The following CATSPERE variants were observed in gnomAD, a reference collection of about 807,000 sequenced individuals.
CATSPERE encodes catsper channel auxiliary subunit epsilon, also known as cation channel sperm-associated auxiliary subunit epsilon.
A neutral mutation model predicts 114.1 loss-of-function variants in CATSPERE; 93 were observed. The ratio of observed to expected loss-of-function variants is 0.81; its 90% CI spans 0.69 to 0.97. The LOEUF (loss-of-function observed/expected upper bound fraction) is 0.97. CATSPERE is among the 50% of genes least tolerant of loss of function. The pLI is 0.00. For synonymous variants in CATSPERE, 341 were observed against 384.1 expected (o/e 0.89, Z 1.31); for missense variants, 1,058 against 1,131.6 (o/e 0.93, Z 0.93).
rs1002478794 is a variant in CATSPERE, at chr1:244,535,338, T to G, written c.536+16640T>G. On this transcript the variant is annotated intron_variant, in intron 8 of 21. Coordinates refer to ENST00000366534, the MANE Select transcript of CATSPERE (RefSeq NM_001130957.2). The stretch of plus-strand genomic sequence containing the variant: ...AGCCAGCCAGTCTTGTGTCTTTCCC[T>G]TAAGGGCTGCAAGTTCCCCCAGGCC... Among the ~76,000 whole-genome samples, 3 of 152,186 alleles carry G rather than the reference T, an allele frequency of 2.0e-5. No individual in the cohort carries two copies. The East Asian group carries it at 5.8e-4, about 29-fold the overall frequency.
At chr1:244,582,407 C>CTTTT (rs67153115) in intron 12 of CATSPERE, among the ~76,000 whole-genome samples, 1 of 143,190 alleles carries the variant, frequency 7.0e-6, no homozygotes. Flanking sequence ...TTTTCTTTTT[C>CTTTT]TTTTTTTTTT....
At chr1:244,545,294 C>T (rs3000697) in intron 8 of CATSPERE, among the ~76,000 whole-genome samples, 151,215 of 152,320 alleles carry the variant, frequency 0.99, 75,069 homozygotes, top group Middle Eastern at 1. Context: ...AAGAAAGAGG[C>T]ACAATGCCTA....
chr1:244,492,319 T>C (rs1290744955), intron 6 of CATSPERE, among the ~76,000 whole-genome samples: 5 of 152,056 alleles, frequency 3.3e-5, no homozygotes, highest in African/African-American at 7.2e-5. Flanking sequence ...TAATCCAGCA[T>C]ATAAACAGAA....
chr1:244,539,883 G>C (rs1558458396), intron 8 of CATSPERE, among the ~76,000 whole-genome samples: 5 of 148,864 alleles, frequency 3.4e-5, no homozygotes, highest in Non-Finnish European at 7.4e-5. Context: ...TGTTAGTCTT[G>C]CTAGTGGTCT....
chr1:244,638,883 C>T (rs1352064058), intron 21 of CATSPERE, among the ~76,000 whole-genome samples: 1 of 152,232 alleles, frequency 6.6e-6, no homozygotes, highest in African/African-American at 2.4e-5. Flanking sequence ...TGAAGACTCT[C>T]ATCGTAGCTT....
At chr1:244,574,138 T>C (rs1210682835) in intron 11 of CATSPERE, among the ~76,000 whole-genome samples, 2 of 152,142 alleles carry the variant, frequency 1.3e-5, no homozygotes, top group African/African-American at 4.8e-5. Flanking sequence ...AATTTAAAAC[T>C]TTCCTAAATA....
intron 20 of CATSPERE, among the ~76,000 whole-genome samples, chr1:244,630,056 ACT>A (rs1673730157): frequency 6.6e-6 from 1 of 152,142 alleles, no homozygotes; most frequent in Non-Finnish European, 1.5e-5. Flanking sequence ...ATGAAAACAA[ACT>A]CCATGACAGC....
intron 20 of CATSPERE, among the ~76,000 whole-genome samples, chr1:244,621,337 T>A (rs1672368660): frequency 1.2e-5 from 1 of 86,866 alleles, no homozygotes; most frequent in African/African-American, 4.1e-5. Context: ...TATATATATA[T>A]ATATATATTC....
rs149786779 is a variant in CATSPERE at position 244,564,594 on chromosome 1, T to C, written c.1507+3449T>C. 1.9e-3 allele frequency among the ~76,000 whole-genome samples: 282 copies of C among 152,330 alleles called. 7 individuals are homozygous for C. The East Asian group carries it at 0.051, about 28-fold the overall frequency. ...AATGCTTGTGATTTTTGCACATTGA[T>C]TTTGTATCTTGAGACGTTGCTGAAG... is the stretch of plus-strand genomic sequence containing the variant. On this transcript the variant is annotated intron_variant, in intron 10 of 21. Transcript: ENST00000366534.
At chr1:244,621,313 A>ATCTATAT (rs1329667347) in intron 20 of CATSPERE, among the ~76,000 whole-genome samples, 2 of 78,944 alleles carry the variant, frequency 2.5e-5, no homozygotes, top group African/African-American at 1.1e-4. Context: ...ATAAATATAT[A>ATCTATAT]AAATATATAT....
intron 2 of CATSPERE, among the ~76,000 whole-genome samples, chr1:244,471,786 G>A (rs1668511366): frequency 6.6e-6 from 1 of 152,096 alleles, no homozygotes; most frequent in South Asian, 2.1e-4. Flanking sequence ...CTTGTTGATG[G>A]CCATTTGGGT....
chr1:244,493,544 G>GTTTA (rs1672596241), intron 6 of CATSPERE, among the ~76,000 whole-genome samples: 1 of 152,102 alleles, frequency 6.6e-6, no homozygotes, highest in Non-Finnish European at 1.5e-5. Flanking sequence ...GCATGGGCAA[G>GTTTA]GACTTCATGT....
At chr1:244,465,286 G>A (rs1296726382) in intron 2 of CATSPERE, among the ~76,000 whole-genome samples, 6 of 151,992 alleles carry the variant, frequency 3.9e-5, no homozygotes, top group African/African-American at 7.2e-5. Flanking sequence ...CACCAGCCTC[G>A]GCCTCCCAAA....
chr1:244,451,612 C>A, upstream of CATSPERE: 2 of 1,594,592 alleles, frequency 1.3e-6, no homozygotes, highest in Non-Finnish European at 8.5e-7. This position sits in a 1 kb window ranked among gnomAD's most constrained non-coding sequence, Gnocchi z 6.6. Flanking sequence ...CCCGGCTTCC[C>A]ATGAGAGGCC....
intron 8 of CATSPERE, among the ~76,000 whole-genome samples, chr1:244,537,973 T>C (rs1188756211): frequency 6.6e-6 from 1 of 152,212 alleles, no homozygotes; most frequent in Non-Finnish European, 1.5e-5. Context: ...AGTGGATTTT[T>C]CTATTTCTCT....
At chr1:244,505,140 T>G (rs1028334616) in intron 7 of CATSPERE, among the ~76,000 whole-genome samples, 1 of 152,166 alleles carries the variant, frequency 6.6e-6, no homozygotes, top group African/African-American at 2.4e-5. Context: ...TCGTGGGGTT[T>G]TGTTGTTTGG....
chr1:244,471,296 TTC>T (rs1205692823), intron 2 of CATSPERE, among the ~76,000 whole-genome samples: 2 of 152,380 alleles, frequency 1.3e-5, no homozygotes, highest in African/African-American at 4.8e-5. Context: ...AAATGTCATT[TTC>T]TGTTTGTTTA....
chr1:244,627,891 A>G (rs994430167), intron 20 of CATSPERE, among the ~76,000 whole-genome samples: 2 of 152,228 alleles, frequency 1.3e-5, no homozygotes, highest in African/African-American at 2.4e-5. Context: ...TCTGAGCAAC[A>G]TGATGAAATG....
chr1:244,624,275 GTTTCT>G (rs528049701), intron 20 of CATSPERE, among the ~76,000 whole-genome samples: 272 of 151,904 alleles, frequency 1.8e-3, no homozygotes, highest in Non-Finnish European at 2.5e-3. Context: ...CTGGCCGGCA[GTTTCT>G]TAAAATAAGA....
Sources: allele counts gnomAD v4.1 joint callset (sites outside exome capture counted in the v4.1 genomes callset), GRCh38; gene constraint gnomAD v4.1.1; non-coding constraint Gnocchi (gnomAD v3.1); transcripts MANE v1.5; gene names NCBI Gene and HGNC (gene_info 2026-07-23, HGNC 2026-07-21).